DDC: variants seen among roughly 807,000 people sequenced by gnomAD.
The protein encoded by DDC is dopa decarboxylase.
In DDC, 43 loss-of-function variants were observed where a neutral mutation model predicts 60.0. That is an observed-to-expected ratio of 0.72 (90% CI 0.56 to 0.92). The LOEUF (loss-of-function observed/expected upper bound fraction) is 0.92. Ranked by LOEUF, DDC falls within the 40% of genes least tolerant of loss-of-function variation. The pLI, the probability that DDC is intolerant of heterozygous loss-of-function variation, is 0.00. For missense variants in DDC, 573 were observed against 620.2 expected (o/e 0.92, Z 0.81); for synonymous variants, 232 against 234.6 (o/e 0.99, Z 0.10).
At chr7:50,509,841 G>A (rs1439671777) in intron 6 of DDC, among the ~76,000 whole-genome samples, 1 of 151,500 alleles carries the variant, frequency 6.6e-6, no homozygotes, top group East Asian at 1.9e-4. Flanking sequence ...GAATGTGAGA[G>A]TATGTATCAA....
At chr7:50,540,147 T>C in intron 2 of DDC, 119 bp from the exon 3 acceptor site, 1 of 738,732 alleles carries the variant, frequency 1.4e-6, no homozygotes, top group Admixed American at 2.0e-5. Context: ...CAGAGTTAGG[T>C]GAGTGCAGTT....
At chr7:50,465,843 A>G (rs2042383718) in intron 13 of DDC, among the ~76,000 whole-genome samples, 2 of 152,250 alleles carry the variant, frequency 1.3e-5, no homozygotes, top group South Asian at 4.1e-4. Flanking sequence ...GGTTGACTGG[A>G]CACATCCTGG....
At chr7:50,554,492 C>T (rs1367888922) in intron 1 of DDC, among the ~76,000 whole-genome samples, 1 of 152,192 alleles carries the variant, frequency 6.6e-6, no homozygotes, top group Non-Finnish European at 1.5e-5. Flanking sequence ...TCCTTCCTCC[C>T]TTTCTAGGAC....
At position 50,458,744 on chromosome 7, in the gene DDC, A is replaced by T. The variant is rs534033577; in HGVS notation, c.*118T>A. 29 of 152,364 alleles carry T rather than the reference A, an allele frequency of 1.9e-4. No individual in the cohort carries two copies. The highest frequency in any genetic ancestry group is 7.0e-4 in the African/African-American group (29 of 41,590). 9.4% of individuals were successfully genotyped at this position (152,364 alleles called of 1,614,324 possible). A position where few individuals can be genotyped will look rare whatever the true frequency, so the allele number is the denominator to read the frequency against. On this transcript the variant is annotated 3_prime_UTR_variant, in exon 15 of 15. Coordinates refer to ENST00000444124, the MANE Select transcript of DDC (RefSeq NM_001082971.2). ...ACCCTCTGGATAACTTTGGAGAAAG[A>T]CATGGGAAGCCACAGACAGCTGAGT... is the stretch of plus-strand genomic sequence containing the variant.
chr7:50,477,955 A>T (rs529127110), intron 10 of DDC, among the ~76,000 whole-genome samples: 11 of 152,148 alleles, frequency 7.2e-5, no homozygotes, highest in African/African-American at 2.7e-4. Context: ...TAATCCCAGC[A>T]CTTTGAGAGG....
At chr7:50,535,089 C>T (rs749158802) in intron 4 of DDC, among the ~76,000 whole-genome samples, 2 of 152,038 alleles carry the variant, frequency 1.3e-5, no homozygotes, top group Non-Finnish European at 2.9e-5. Flanking sequence ...GTTGCTGCTA[C>T]GTAGAATGGT....
At chr7:50,548,973 A>T (rs779258278) in intron 1 of DDC, among the ~76,000 whole-genome samples, 1 of 152,230 alleles carries the variant, frequency 6.6e-6, no homozygotes, top group Non-Finnish European at 1.5e-5. Flanking sequence ...AACTATGCCA[A>T]ATCTACTCTT....
intron 1 of DDC, chr7:50,561,203 C>G (rs936537525): frequency 6.6e-6 from 1 of 152,246 alleles, no homozygotes; most frequent in African/African-American, 2.4e-5. Flanking sequence ...CCTGCCCCCA[C>G]TCTGCCCCCA....
intron 1 of DDC, among the ~76,000 whole-genome samples, chr7:50,561,673 C>G (rs11575266): frequency 0.019 from 2,903 of 152,140 alleles, 100 homozygotes; most frequent in African/African-American, 0.066. Flanking sequence ...CACCTCCACC[C>G]CCTCCCCCCA....
At chr7:50,518,130 G>A (rs1302629223) in intron 6 of DDC, among the ~76,000 whole-genome samples, 2 of 150,142 alleles carry the variant, frequency 1.3e-5, no homozygotes, top group Non-Finnish European at 2.9e-5. Context: ...AGAATGGCAT[G>A]AACCTGGAAA....
intron 1 of DDC, among the ~76,000 whole-genome samples, chr7:50,561,358 C>T (rs1341785839): frequency 6.6e-6 from 1 of 152,112 alleles, no homozygotes; most frequent in Non-Finnish European, 1.5e-5. Context: ...ACTCTCCCAG[C>T]AACTTTGAGA....
intron 8 of DDC, among the ~76,000 whole-genome samples, chr7:50,497,345 C>G (rs1269530136): frequency 1.3e-5 from 2 of 152,186 alleles, no homozygotes; most frequent in African/African-American, 4.8e-5. Context: ...ATGAGGCACC[C>G]TTCTATGAAA....
chr7:50,532,295 A>C (rs2044242030), intron 4 of DDC, among the ~76,000 whole-genome samples: 1 of 152,258 alleles, frequency 6.6e-6, no homozygotes, highest in Non-Finnish European at 1.5e-5. Context: ...GATTGGGCTC[A>C]CAGGAAGATT....
At chr7:50,521,162 A>G (rs1385497568) in intron 6 of DDC, among the ~76,000 whole-genome samples, 1 of 152,080 alleles carries the variant, frequency 6.6e-6, no homozygotes, top group Non-Finnish European at 1.5e-5. Flanking sequence ...GATAATAAAG[A>G]AACAAAATGG....
At chr7:50,544,172 G>A in intron 1 of DDC, 59 bp from the exon 2 acceptor site, 1 of 1,339,480 alleles carries the variant, frequency 7.5e-7, no homozygotes, top group South Asian at 1.2e-5. Flanking sequence ...GGAAGGCGGG[G>A]ATACCAAGCA....
In DDC at chr7:50,528,124, CTG is replaced by C; in HGVS notation, c.714+11_714+12del. The C allele has an allele frequency of 6.2e-7, 1 of 1,612,172 alleles. No individual in the cohort carries two copies. Among genetic ancestry groups the C allele is most frequent in the Non-Finnish European group, 8.5e-7 (1 of 1,179,830 alleles). On this transcript the variant is annotated intron_variant, in intron 6 of 14. Transcript: ENST00000444124. ...CCTTATTGGCCAGGAGCCACAAGTG[CTG>C]CCGAACTTACAAAGAAAGGAATCAG...
chr7:50,537,037 G>GTT (rs10574868), intron 4 of DDC, among the ~76,000 whole-genome samples: 6 of 140,396 alleles, frequency 4.3e-5, no homozygotes, highest in South Asian at 2.3e-4. Flanking sequence ...CTAGGAAGTT[G>GTT]TTTTTTTTTT....
At chr7:50,478,554 A>G (rs1435401377) in intron 10 of DDC, among the ~76,000 whole-genome samples, 2 of 152,198 alleles carry the variant, frequency 1.3e-5, no homozygotes, top group Non-Finnish European at 2.9e-5. Context: ...AATTAGTGCA[A>G]GTTCCTATCT....
intron 1 of DDC, among the ~76,000 whole-genome samples, chr7:50,555,563 G>A (rs1048193423): frequency 3.3e-5 from 5 of 152,028 alleles, no homozygotes; most frequent in East Asian, 1.9e-4. Flanking sequence ...ACACACTTGC[G>A]ACTGTCTTAC....
Sources: allele counts gnomAD v4.1 joint callset (sites outside exome capture counted in the v4.1 genomes callset), GRCh38; gene constraint gnomAD v4.1.1; transcripts MANE v1.5; gene names NCBI Gene and HGNC (gene_info 2026-07-23, HGNC 2026-07-21).